The following ESRRG variants were observed in gnomAD, a reference collection of about 807,000 sequenced individuals.
ESRRG encodes estrogen-related receptor gamma.
In ESRRG, 13 loss-of-function variants were observed where a neutral mutation model predicts 44.0. That is an observed-to-expected ratio of 0.30 (90% CI 0.19 to 0.47). ESRRG has a LOEUF of 0.47. ESRRG is among the 20% of genes least tolerant of loss of function. ESRRG has a pLI of 1.00. For synonymous variants in ESRRG, 215 were observed against 214.6 expected, an observed-to-expected ratio of 1.00 and a Z score of -0.02; for missense variants, 395 against 580.6, an observed-to-expected ratio of 0.68 and a Z score of 3.29.
intron 2 of ESRRG, among the ~76,000 whole-genome samples, chr1:216,660,965 G>C (rs1159436372): frequency 6.9e-6 from 1 of 145,942 alleles, no homozygotes; most frequent in Non-Finnish European, 1.5e-5. Flanking sequence ...GTTCCTGATG[G>C]GAAAAAAAAA....
intron 1 of ESRRG, among the ~76,000 whole-genome samples, chr1:217,049,560 TA>T (rs2085524373): frequency 6.6e-6 from 1 of 152,208 alleles, no homozygotes. Context: ...GGCAGTCATA[TA>T]GCAGAGAAGA....
intron 1 of ESRRG, among the ~76,000 whole-genome samples, chr1:217,127,175 T>C (rs1367096864): frequency 6.6e-6 from 1 of 152,242 alleles, no homozygotes; most frequent in Non-Finnish European, 1.5e-5. Flanking sequence ...CGAAGTCTCA[T>C]TGCTCTGTGA....
At chr1:216,954,634 T>A (rs1353797464) in intron 1 of ESRRG, among the ~76,000 whole-genome samples, 3 of 152,178 alleles carry the variant, frequency 2.0e-5, no homozygotes, top group African/African-American at 4.8e-5. Flanking sequence ...AGTTGAACAA[T>A]ATTCTGATTA....
chr1:217,056,206 C>A (rs1381369533), intron 1 of ESRRG, among the ~76,000 whole-genome samples: 1 of 152,110 alleles, frequency 6.6e-6, no homozygotes, highest in Non-Finnish European at 1.5e-5. Context: ...CTCACCAAAC[C>A]CTGCAATCCA....
intron 3 of ESRRG, among the ~76,000 whole-genome samples, chr1:216,645,682 A>G (rs144243959): frequency 6.6e-6 from 1 of 152,078 alleles, no homozygotes; most frequent in East Asian, 1.9e-4. Flanking sequence ...GAACAGCCTG[A>G]GTAACATAGT....
chr1:217,001,493 T>C (rs891166710), intron 1 of ESRRG, among the ~76,000 whole-genome samples: 3 of 152,196 alleles, frequency 2.0e-5, no homozygotes, highest in Middle Eastern at 3.2e-3. Context: ...GTTCACTGTT[T>C]TAGGTTTAAA....
intron 1 of ESRRG, among the ~76,000 whole-genome samples, chr1:216,970,925 C>T (rs996792709): frequency 6.6e-6 from 1 of 151,890 alleles, no homozygotes; most frequent in African/African-American, 2.4e-5. Flanking sequence ...CTTTTTTTGA[C>T]CCAGGCACAG....
chr1:216,606,918 G>A (rs551335258), intron 3 of ESRRG, among the ~76,000 whole-genome samples: 1 of 152,162 alleles, frequency 6.6e-6, no homozygotes, highest in East Asian at 1.9e-4. Flanking sequence ...GTTGAGGGGT[G>A]GAAAGGAAAA....
chr1:216,929,117 A>T (rs1423695517), intron 2 of ESRRG, among the ~76,000 whole-genome samples: 2 of 152,182 alleles, frequency 1.3e-5, no homozygotes, highest in Non-Finnish European at 2.9e-5. Flanking sequence ...CCACAGTTAA[A>T]AAAAAATACT....
At chr1:216,717,070 T>C (rs907081826) in intron 1 of ESRRG, among the ~76,000 whole-genome samples, 5 of 151,888 alleles carry the variant, frequency 3.3e-5, no homozygotes, top group Non-Finnish European at 5.9e-5. Context: ...AAAGCAAGTT[T>C]CCCTCAAACA....
chr1:216,582,160 A>G (rs920818068), intron 3 of ESRRG, among the ~76,000 whole-genome samples: 1 of 152,224 alleles, frequency 6.6e-6, no homozygotes, highest in African/African-American at 2.4e-5. Context: ...GTATAATAAT[A>G]ATGTATAAAA....
At chr1:216,749,970 G>C (rs2091846061) in intron 2 of ESRRG, among the ~76,000 whole-genome samples, 1 of 152,118 alleles carries the variant, frequency 6.6e-6, no homozygotes, top group Admixed American at 6.5e-5. Flanking sequence ...AACTCAAATA[G>C]CTAGTCTAGG....
At chr1:217,099,922 T>A (rs996997315) in intron 1 of ESRRG, among the ~76,000 whole-genome samples, 26 of 151,738 alleles carry the variant, frequency 1.7e-4, no homozygotes, top group Non-Finnish European at 3.5e-4. Context: ...AACAATGAAG[T>A]GGAGAATCCG....
intron 2 of ESRRG, among the ~76,000 whole-genome samples, chr1:216,869,180 G>A (rs1407433211): frequency 2.6e-5 from 4 of 151,956 alleles, no homozygotes; most frequent in African/African-American, 4.8e-5. Flanking sequence ...TCTTCTAAAC[G>A]TTTTATAGTT....
In ESRRG at chr1:216,958,558, G is replaced by C. The variant is rs77595068; in HGVS notation, c.-105-18885C>G. Among the ~76,000 whole-genome samples the C allele has an allele frequency of 9.9e-4, 151 of 152,216 alleles. 4 individuals carry two copies. The East Asian group carries it at 0.028, about 29-fold the overall frequency. On this transcript the variant is annotated intron_variant, in intron 1 of 7. Transcript: ENST00000359162. ...ATTTCCATATGCTTAGTGACCATTT[G>C]TATATCTTCTTCTGTGAGGTGTTTG...
chr1:216,944,668 G>C (rs1193402376), intron 1 of ESRRG, among the ~76,000 whole-genome samples: 2 of 152,158 alleles, frequency 1.3e-5, no homozygotes, highest in Non-Finnish European at 2.9e-5. Context: ...GTAAGGCAAA[G>C]TGACTTACAA....
At chr1:217,109,025 G>T (rs1414323746) in intron 1 of ESRRG, among the ~76,000 whole-genome samples, 1 of 152,034 alleles carries the variant, frequency 6.6e-6, no homozygotes, top group African/African-American at 2.4e-5. Context: ...GATCGCATGG[G>T]CACATGTGTT....
intron 1 of ESRRG, among the ~76,000 whole-genome samples, chr1:216,980,637 A>G (rs2073802196): frequency 6.6e-6 from 1 of 151,948 alleles, no homozygotes; most frequent in Admixed American, 6.6e-5. Flanking sequence ...TCCCCCACCC[A>G]TTTCAATTCA....
intron 1 of ESRRG, among the ~76,000 whole-genome samples, chr1:217,011,275 A>C (rs1223163642): frequency 1.3e-5 from 2 of 152,212 alleles, no homozygotes; most frequent in Admixed American, 1.3e-4. Flanking sequence ...TCCTGATTTT[A>C]GGTTCTGTGG....
Sources: allele counts gnomAD v4.1 joint callset (sites outside exome capture counted in the v4.1 genomes callset), GRCh38; gene constraint gnomAD v4.1.1; transcripts MANE v1.5; gene names NCBI Gene and HGNC (gene_info 2026-07-23, HGNC 2026-07-21).